The following CAB39L variants were observed in gnomAD, a reference collection of about 807,000 sequenced individuals.
The protein encoded by CAB39L is calcium binding protein 39 like, also known as calcium-binding protein 39-like.
Under a neutral mutation model 39.1 loss-of-function variants are expected in CAB39L, and 23 were observed. The observed-to-expected ratio is 0.59, with a 90% CI of 0.42 to 0.83. CAB39L has a LOEUF of 0.83. Ranked by LOEUF, CAB39L falls within the 40% of genes least tolerant of loss-of-function variation. The probability of loss-of-function intolerance (pLI) is 0.00; values close to 1 mark genes in which losing one functional copy is unlikely to be tolerated. For missense variants in CAB39L, 366 were observed against 391.9 expected (o/e 0.93, Z 0.56); for synonymous variants, 126 against 137.2 (o/e 0.92, Z 0.57).
At chr13:49,332,933 T>A (rs1463218023) in intron 9 of CAB39L, among the ~76,000 whole-genome samples, 1 of 152,012 alleles carries the variant, frequency 6.6e-6, no homozygotes. Flanking sequence ...ACTGGACTTT[T>A]TCTGAAGGCC....
chr13:49,346,090 A>C lies in CAB39L; in HGVS notation c.565-1852T>G, dbSNP rs1409932567. On this transcript the variant is annotated intron_variant, in intron 7 of 10. Transcript: ENST00000409308. ...ATATATGCTAGATATATATATATATATATATGCTAGATATATATATATATA... is the reference window on the plus strand; with the variant it reads ...ATATATGCTAGATATATATATATATCTATATGCTAGATATATATATATATA... 2.7e-4 allele frequency among the ~76,000 whole-genome samples: 28 copies of C among 103,192 alleles called. 1 individual carries two copies. The highest frequency in any genetic ancestry group is 9.8e-4 in the African/African-American group (28 of 28,602). The allele number at this position is 103,192 out of a possible 152,430, so 67.7% of individuals were successfully genotyped here. A position where few individuals can be genotyped will look rare whatever the true frequency, so the allele number is the denominator to read the frequency against.
At chr13:49,374,365 A>G (rs1253948203) in intron 5 of CAB39L, among the ~76,000 whole-genome samples, 1 of 152,200 alleles carries the variant, frequency 6.6e-6, no homozygotes, top group Non-Finnish European at 1.5e-5. Flanking sequence ...CACAAGAGTA[A>G]TCAATTTAAC....
chr13:49,313,085 A>G (rs1157211045), intron 10 of CAB39L, among the ~76,000 whole-genome samples: 2 of 152,234 alleles, frequency 1.3e-5, no homozygotes, highest in African/African-American at 4.8e-5. Flanking sequence ...ATCATCACCT[A>G]GTTCAAAATT....
chr13:49,437,181 T>TA, intron 1 of CAB39L, among the ~76,000 whole-genome samples: 1 of 152,356 alleles, frequency 6.6e-6, no homozygotes, highest in East Asian at 1.9e-4. Context: ...CTAAACCAGA[T>TA]ATAGTTGTGT....
At position 49,339,064 on chromosome 13, in the gene CAB39L, A is replaced by G. The variant is rs1459716737; in HGVS notation, c.690+613T>C. Among the ~76,000 whole-genome samples the G allele has an allele frequency of 2.6e-5, 4 of 152,116 alleles. No individual in the cohort carries two copies. In the East Asian group the frequency reaches 7.7e-4, roughly 29 times the overall value. On this transcript the variant is annotated intron_variant, in intron 9 of 10. Coordinates refer to ENST00000409308, the MANE Select transcript of CAB39L (RefSeq NM_001079670.3). ...TATACTCAAAAATACAGATATTAAG[A>G]ATTTATCAATTGCTGTGCTTAAAAC...
chr13:49,341,458 G>C (rs956563753), intron 8 of CAB39L, among the ~76,000 whole-genome samples: 1 of 151,946 alleles, frequency 6.6e-6, no homozygotes, highest in Non-Finnish European at 1.5e-5. Flanking sequence ...TCACCATTTT[G>C]GCCAGGTTGG....
intron 3 of CAB39L, among the ~76,000 whole-genome samples, chr13:49,402,675 A>G (rs879557035): frequency 6.6e-6 from 1 of 152,196 alleles, no homozygotes; most frequent in Admixed American, 6.5e-5. Context: ...ATCTATAAAC[A>G]GTTGTTTATA....
rs116804258 is a variant in CAB39L, at chr13:49,398,518, T to C, written c.-31-15577A>G. On this transcript the variant is annotated intron_variant, in intron 3 of 10. Transcript: ENST00000409308. ...CTTGTTAAGAACCTATTATATACCATTTAGGACCACTCAAAATCATTACTT... is the reference window on the plus strand; with the variant it reads ...CTTGTTAAGAACCTATTATATACCACTTAGGACCACTCAAAATCATTACTT... Among the ~76,000 whole-genome samples the C allele has an allele frequency of 3.6e-3, 552 of 152,146 alleles. 2 individuals carry two copies. Among genetic ancestry groups the C allele is most frequent in the African/African-American group, 0.012 (480 of 41,540 alleles).
intron 6 of CAB39L, 137 bp from the exon 7 acceptor site, chr13:49,351,049 T>C (rs1955334113): frequency 1.8e-6 from 1 of 566,194 alleles, no homozygotes; most frequent in Non-Finnish European, 2.8e-6. Context: ...CAATATCCAC[T>C]GAAGATCTAC....
At chr13:49,418,775 G>A (rs1957124551) in intron 3 of CAB39L, among the ~76,000 whole-genome samples, 1 of 151,860 alleles carries the variant, frequency 6.6e-6, no homozygotes, top group African/African-American at 2.4e-5. Flanking sequence ...TGGCCAGGCT[G>A]GTCTCAAACT....
intron 3 of CAB39L, among the ~76,000 whole-genome samples, chr13:49,421,478 C>T (rs1957170340): frequency 6.6e-6 from 1 of 152,160 alleles, no homozygotes; most frequent in Admixed American, 6.5e-5. Flanking sequence ...CCCTTCCCAT[C>T]TGCGCTAGTG....
In CAB39L at chr13:49,364,211, A is replaced by G. The variant is rs900849681; in HGVS notation, c.277-4379T>C. ...GAGCTAAAGTGAGAGACACATCCCAATACAACAATAGCAGATCTTAGACCT... is the reference window on the plus strand; with the variant it reads ...GAGCTAAAGTGAGAGACACATCCCAGTACAACAATAGCAGATCTTAGACCT... On this transcript the variant is annotated intron_variant, in intron 5 of 10. Transcript: ENST00000409308. 3.9e-5 allele frequency among the ~76,000 whole-genome samples: 6 copies of G among 152,344 alleles called. 1 individual carries two copies. In the East Asian group the frequency reaches 1.2e-3, roughly 29 times the overall value.
chr13:49,399,643 A>G (rs1345268206), intron 3 of CAB39L, among the ~76,000 whole-genome samples: 1 of 152,044 alleles, frequency 6.6e-6, no homozygotes, highest in Non-Finnish European at 1.5e-5. Context: ...CTCAAATACA[A>G]AGTGTTTGTA....
intron 3 of CAB39L, among the ~76,000 whole-genome samples, chr13:49,389,420 C>G (rs955918848): frequency 6.6e-6 from 1 of 152,154 alleles, no homozygotes; most frequent in African/African-American, 2.4e-5. Context: ...ATGGGTGGAT[C>G]ACTTGAGTCC....
intron 5 of CAB39L, among the ~76,000 whole-genome samples, chr13:49,374,574 G>A (rs1956007063): frequency 6.6e-6 from 1 of 152,084 alleles, no homozygotes; most frequent in African/African-American, 2.4e-5. Context: ...TATTTGATGT[G>A]CCACATAAAA....
At chr13:49,419,188 G>A (rs756873145) in intron 3 of CAB39L, among the ~76,000 whole-genome samples, 17 of 151,900 alleles carry the variant, frequency 1.1e-4, no homozygotes, top group East Asian at 5.9e-4. Context: ...GGCTGGTCTC[G>A]AACTCCTGAC....
intron 5 of CAB39L, among the ~76,000 whole-genome samples, chr13:49,367,073 G>T (rs986868225): frequency 2.0e-5 from 3 of 151,908 alleles, no homozygotes; most frequent in Non-Finnish European, 4.4e-5. Context: ...ATAATCCCAG[G>T]CAAGAAATTA....
rs539465683 is a variant in CAB39L, at chr13:49,385,648, A to G, written c.-31-2707T>C. Among the ~76,000 whole-genome samples, 27 of 152,282 alleles carry G rather than the reference A, an allele frequency of 1.8e-4. No individual in the cohort carries two copies. In the South Asian group the frequency reaches 5.6e-3, roughly 32 times the overall value. Reference sequence around the variant, plus strand: ...GACTCTTCCTTTTCCTTGAACACGTAGAGGCCACTTATAGGGTTATGAGCC... The same window carrying G: ...GACTCTTCCTTTTCCTTGAACACGTGGAGGCCACTTATAGGGTTATGAGCC... On this transcript the variant is annotated intron_variant, in intron 3 of 10. Coordinates refer to ENST00000409308, the MANE Select transcript of CAB39L (RefSeq NM_001079670.3).
chr13:49,428,214 G>C (rs4941639), intron 3 of CAB39L, among the ~76,000 whole-genome samples: 9,516 of 152,202 alleles, frequency 0.063, 436 homozygotes, highest in East Asian at 0.15. Flanking sequence ...TTAGCTCAAT[G>C]GTTCTGACTC....
Sources: gnomAD v4.1 joint callset for allele counts (sites outside exome capture counted in the v4.1 genomes callset) on GRCh38, gnomAD v4.1.1 for gene constraint, MANE v1.5 for transcripts, NCBI Gene and HGNC (gene_info 2026-07-23, HGNC 2026-07-21) for gene names.